The following EPB41L3 variants were observed in gnomAD, a reference collection of about 807,000 sequenced individuals.
EPB41L3 encodes erythrocyte membrane protein band 4.1 like 3.
Under a neutral mutation model 127.1 loss-of-function variants are expected in EPB41L3, and 57 were observed. That is an observed-to-expected ratio of 0.45 (90% confidence interval 0.36 to 0.56). The LOEUF (loss-of-function observed/expected upper bound fraction) is 0.56, where lower values mean the gene tolerates loss of function less well. Among genes scored for constraint, EPB41L3 ranks in the 20% least tolerant of loss-of-function variants. EPB41L3 has a pLI of 0.00. For synonymous variants in EPB41L3, 572 were observed against 549.5 expected, an observed-to-expected ratio of 1.04 and a Z score of -0.57; for missense variants, 1,273 against 1,372.2, an observed-to-expected ratio of 0.93 and a Z score of 1.14.
chr18:5,416,180 G>C lies in EPB41L3; in HGVS notation c.1705C>G (p.Gln569Glu). The C allele has an allele frequency of 6.2e-7, 1 of 1,614,136 alleles. No individual in the cohort carries two copies. The highest frequency in any genetic ancestry group is 8.5e-7 in the Non-Finnish European group (1 of 1,179,988). ...TGTCTGTAGCTAAAAGCCACATCTT[G>C]ATCCCCTAGGTAAGGCCTCCCTGGG... ...DGPGRPYLGD[Q>E]DVAFSYRQQT... Residue 569 changes from glutamine to glutamate, a missense_variant, in exon 13 of 23, where the codon CAA becomes GAA. Transcript: ENST00000341928.
chr18:5,604,433 G>T (rs1275072648), intron 3 of EPB41L3, among the ~76,000 whole-genome samples: 1 of 152,000 alleles, frequency 6.6e-6, no homozygotes, highest in East Asian at 1.9e-4. Flanking sequence ...TATTCAGAGA[G>T]AAATCCATTT....
chr18:5,614,936 A>C (rs1210372320), intron 1 of EPB41L3, among the ~76,000 whole-genome samples: 2 of 152,238 alleles, frequency 1.3e-5, no homozygotes, highest in Non-Finnish European at 2.9e-5. Flanking sequence ...GGTTATGTGT[A>C]TGAAGAGAGT....
At position 5,396,430 on chromosome 18, in the gene EPB41L3, T is replaced by C. The variant is rs929311751; in HGVS notation, c.2842-98A>G. On this transcript the variant is annotated intron_variant, in intron 18 of 22. Coordinates refer to ENST00000341928, the MANE Select transcript of EPB41L3 (RefSeq NM_012307.5). ...CTTGGTGGTTATAAGCACAGGTTAGTATGCTATAAATGTTTATGTAGAGAG... is the reference window on the plus strand; with the variant it reads ...CTTGGTGGTTATAAGCACAGGTTAGCATGCTATAAATGTTTATGTAGAGAG... The C allele has an allele frequency of 2.8e-6, 4 of 1,419,828 alleles. No homozygotes were observed. The Admixed American group carries it at 5.6e-5, about 20-fold the overall frequency. The allele number at this position is 1,419,828 out of a possible 1,614,324, so 88.0% of individuals were successfully genotyped here. A position where few individuals can be genotyped will look rare whatever the true frequency, so the allele number is the denominator to read the frequency against.
At position 5,445,079 on chromosome 18, in the gene EPB41L3, A is replaced by G. The variant is rs1001785865; in HGVS notation, c.486+61T>C. The G allele has an allele frequency of 6.3e-6, 8 of 1,271,024 alleles. No homozygotes were observed. The African/African-American group carries it at 1.2e-4, about 19-fold the overall frequency. 78.7% of individuals were successfully genotyped at this position (1,271,024 alleles called of 1,614,324 possible). ...TGATCCACCCATTCAGTTTCAGTTC[A>G]CTTTCTGGCAGTAATGAGCAGTTCA... is the stretch of plus-strand genomic sequence containing the variant. On this transcript the variant is annotated intron_variant, in intron 4 of 22. Coordinates refer to ENST00000341928, the MANE Select transcript of EPB41L3 (RefSeq NM_012307.5).
intron 16 of EPB41L3, among the ~76,000 whole-genome samples, chr18:5,406,450 G>A (rs971318508): frequency 1.3e-5 from 2 of 152,002 alleles, no homozygotes; most frequent in African/African-American, 4.8e-5. Context: ...AAGCATATGC[G>A]GAAAAAGTGT....
In EPB41L3 at chr18:5,506,247, C is replaced by T. The variant is rs139807704; in HGVS notation, c.-11-17053G>A. On this transcript the variant is annotated intron_variant, in intron 1 of 22. Coordinates refer to ENST00000341928, the MANE Select transcript of EPB41L3 (RefSeq NM_012307.5). Reference sequence around the variant, plus strand: ...TTACAATATAAATAAAAACATGTCACGTCTTGGCTCAAAATCCTCCAATGA... The same window carrying T: ...TTACAATATAAATAAAAACATGTCATGTCTTGGCTCAAAATCCTCCAATGA... Among the ~76,000 whole-genome samples the T allele has an allele frequency of 1.7e-3, 253 of 152,224 alleles. 2 individuals carry two copies. Among genetic ancestry groups the T allele is most frequent in the African/African-American group, 5.6e-3 (234 of 41,538 alleles).
At chr18:5,596,118 T>C (rs181407084) in intron 3 of EPB41L3, among the ~76,000 whole-genome samples, 128 of 152,338 alleles carry the variant, frequency 8.4e-4, no homozygotes, top group African/African-American at 3.0e-3. Flanking sequence ...AATATTTCTC[T>C]GTTCGGATTG....
At chr18:5,621,020 G>A (rs1413107949) in intron 1 of EPB41L3, among the ~76,000 whole-genome samples, 3 of 152,100 alleles carry the variant, frequency 2.0e-5, no homozygotes, top group Non-Finnish European at 4.4e-5. Flanking sequence ...TATGCCAGCT[G>A]GACCTCATGA....
intron 2 of EPB41L3, among the ~76,000 whole-genome samples, chr18:5,487,650 C>A (rs572734327): frequency 6.6e-6 from 1 of 151,658 alleles, no homozygotes; most frequent in Admixed American, 6.6e-5. Flanking sequence ...CACCACCACA[C>A]TCAGCTAATT....
At chr18:5,456,514 C>T (rs117888312) in intron 3 of EPB41L3, among the ~76,000 whole-genome samples, 3,297 of 152,250 alleles carry the variant, frequency 0.022, 58 homozygotes, top group Middle Eastern at 0.061. Flanking sequence ...GTAAATGATG[C>T]TTCATTCAGT....
At chr18:5,413,020 A>G (rs867919044) in intron 13 of EPB41L3, among the ~76,000 whole-genome samples, 5 of 152,196 alleles carry the variant, frequency 3.3e-5, no homozygotes, top group Admixed American at 6.5e-5. Context: ...TGCCTGATCA[A>G]GAGTCAATAA....
chr18:5,453,664 A>C (rs2082600779), intron 3 of EPB41L3, among the ~76,000 whole-genome samples: 1 of 152,094 alleles, frequency 6.6e-6, no homozygotes, highest in Non-Finnish European at 1.5e-5. Context: ...TCTTCCTCAA[A>C]TAGACCCCTG....
chr18:5,450,715 C>T (rs898376343), intron 3 of EPB41L3, among the ~76,000 whole-genome samples: 5 of 152,180 alleles, frequency 3.3e-5, no homozygotes, highest in Admixed American at 6.5e-5. Flanking sequence ...TTCATTGAAT[C>T]GACATTTTAG....
At chr18:5,533,185 A>AT (rs938606599) in intron 1 of EPB41L3, among the ~76,000 whole-genome samples, 2 of 152,174 alleles carry the variant, frequency 1.3e-5, no homozygotes, top group African/African-American at 4.8e-5. Flanking sequence ...TGGTTACACA[A>AT]TTTGTCGGGC....
At chr18:5,624,836 CAGA>C (rs2094904307) in intron 1 of EPB41L3, among the ~76,000 whole-genome samples, 1 of 152,062 alleles carries the variant, frequency 6.6e-6, no homozygotes, top group African/African-American at 2.4e-5. Context: ...GCCACGAGAG[CAGA>C]AGGAGCAAAG....
chr18:5,526,846 T>C (rs1015144217), intron 1 of EPB41L3, among the ~76,000 whole-genome samples: 1 of 152,172 alleles, frequency 6.6e-6, no homozygotes, highest in African/African-American at 2.4e-5. Flanking sequence ...TTAATTAGCA[T>C]GCACACCTAA....
intron 12 of EPB41L3, 34 bp downstream of exon 12, chr18:5,419,677 G>A (rs912892914): frequency 7.4e-6 from 12 of 1,611,714 alleles, no homozygotes; most frequent in South Asian, 1.1e-5. Flanking sequence ...TTAAAAGCTG[G>A]AGCAAGCTCT....
intron 18 of EPB41L3, 130 bp from the exon 19 acceptor site, chr18:5,396,462 G>T: frequency 2.9e-6 from 3 of 1,019,068 alleles, no homozygotes; most frequent in Non-Finnish European, 4.3e-6. Flanking sequence ...AGAGTAAGCT[G>T]GGGAATGAGG....
chr18:5,518,090 C>T (rs2092823784), intron 1 of EPB41L3, among the ~76,000 whole-genome samples: 1 of 152,164 alleles, frequency 6.6e-6, no homozygotes, highest in African/African-American at 2.4e-5. Flanking sequence ...CTATTTATTC[C>T]TTACTCATCC....
Sources: gnomAD v4.1 joint callset for allele counts (sites outside exome capture counted in the v4.1 genomes callset) on GRCh38, gnomAD v4.1.1 for gene constraint, MANE v1.5 for transcripts, NCBI Gene and HGNC (gene_info 2026-07-23, HGNC 2026-07-21) for gene names.